Variants in SSH1 observed in about 807,000 individuals in gnomAD.
The protein encoded by SSH1 is slingshot protein phosphatase 1, also known as protein phosphatase Slingshot homolog 1.
Under a neutral mutation model 79.7 loss-of-function variants are expected in SSH1, and 43 were observed. The ratio of observed to expected loss-of-function variants is 0.54; its 90% CI spans 0.42 to 0.70. SSH1 has a LOEUF of 0.70. Ranked by LOEUF, SSH1 falls within the 30% of genes least tolerant of loss-of-function variation. SSH1 has a pLI of 0.00. For missense variants in SSH1, 1,206 were observed against 1,358.8 expected, an observed-to-expected ratio of 0.89 and a Z score of 1.77; for synonymous variants, 599 against 538.3, an observed-to-expected ratio of 1.11 and a Z score of -1.56.
At chr12:108,817,886 CCAGGTTT>C (rs1565998227) in intron 4 of SSH1, among the ~76,000 whole-genome samples, 3 of 152,200 alleles carry the variant, frequency 2.0e-5, no homozygotes, top group East Asian at 1.9e-4. Flanking sequence ...TGGTTCCCCA[CCAGGTTT>C]CACAATTAAA....
intron 13 of SSH1, among the ~76,000 whole-genome samples, chr12:108,795,535 C>T (rs2137003099): frequency 6.6e-6 from 1 of 151,912 alleles, no homozygotes; most frequent in Non-Finnish European, 1.5e-5. Flanking sequence ...GATTACAGCG[C>T]CTGACCCTCA....
chr12:108,821,938 C>T (rs1204062819), intron 3 of SSH1, among the ~76,000 whole-genome samples: 1 of 152,208 alleles, frequency 6.6e-6, no homozygotes, highest in African/African-American at 2.4e-5. Flanking sequence ...TGCTGCTGTT[C>T]TGAAAGGTAA....
chr12:108,823,570 A>G (rs1353828678), intron 2 of SSH1, among the ~76,000 whole-genome samples: 1 of 152,220 alleles, frequency 6.6e-6, no homozygotes, highest in Non-Finnish European at 1.5e-5. Context: ...TCGTGACAAA[A>G]TAATGCTTCT....
At chr12:108,852,072 C>T (rs968251485) in intron 2 of SSH1, among the ~76,000 whole-genome samples, 20 of 151,862 alleles carry the variant, frequency 1.3e-4, no homozygotes, top group African/African-American at 4.6e-4. Flanking sequence ...CCAAAAAATG[C>T]TCAAAATGGT....
intron 2 of SSH1, chr12:108,826,030 A>C: frequency 2.3e-6 from 1 of 426,412 alleles, no homozygotes; most frequent in Non-Finnish European, 4.6e-6. Context: ...TCATCGAAGC[A>C]GCTGGGAAAA....
chr12:108,811,694 G>C (rs988821090), intron 5 of SSH1: 2 of 363,210 alleles, frequency 5.5e-6, no homozygotes, highest in Non-Finnish European at 1.1e-5. Context: ...GTGGCGGCAG[G>C]GGGAGCGTGC....
At position 108,857,417 on chromosome 12, in the gene SSH1, C is replaced by A; in HGVS notation, c.69+11G>T. On this transcript the variant is annotated intron_variant, in intron 1 of 14. Coordinates refer to ENST00000326495, the MANE Select transcript of SSH1 (RefSeq NM_018984.4). The surrounding 1 kb of genome is among the most constrained non-coding windows in gnomAD (Gnocchi z 4.7). ...GCGGCCCAGGCCGGGCGCGGCGAGC[C>A]CGGGGCTCACCTCGCTGTTGCTGGC... 9.3e-7 allele frequency: 1 copy of A among 1,073,074 alleles called. No homozygotes were observed. The highest frequency in any genetic ancestry group is 1.7e-5 in the African/African-American group (1 of 58,688). 66.5% of individuals were successfully genotyped at this position (1,073,074 alleles called of 1,614,324 possible).
rs1338277020 is a variant in SSH1, at chr12:108,780,434, T to A, written c.*7554A>T. 1 of 152,154 alleles carries A rather than the reference T, an allele frequency of 6.6e-6. No individual in the cohort carries two copies. The highest frequency in any genetic ancestry group is 1.5e-5 in the Non-Finnish European group (1 of 68,030). The allele number at this position is 152,154 out of a possible 1,614,324, so 9.4% of individuals were successfully genotyped here. ...ATCGGATGAGTTTTATGAACACACA[T>A]TGTTAGGGTAGTGTGGGTGTTGTCT... On this transcript the variant is annotated 3_prime_UTR_variant, in exon 15 of 15. Coordinates refer to ENST00000326495, the MANE Select transcript of SSH1 (RefSeq NM_018984.4).
chr12:108,792,705 G>A lies in SSH1; in HGVS notation c.1474C>T (p.Leu492=), dbSNP rs761982844. The change falls in exon 14 of 15, where the codon CTG becomes TTG. Residue 492 remains leucine, a synonymous_variant. Transcript: ENST00000326495. ...TGGGCGGCATCATCCAAGAAGGGCA[G>A]CTGGCTTTCCGGGGTGCCATCTGGG... ...ETPDGTPESQ[L]PFLDDAAQPG... The A allele has an allele frequency of 9.3e-6, 15 of 1,613,392 alleles. No homozygotes were observed. Among genetic ancestry groups the A allele is most frequent in the Non-Finnish European group, 1.3e-5 (15 of 1,180,040 alleles).
intron 12 of SSH1, among the ~76,000 whole-genome samples, chr12:108,799,787 G>C (rs1238323355): frequency 6.6e-6 from 1 of 152,112 alleles, no homozygotes; most frequent in Admixed American, 6.5e-5. Flanking sequence ...CCGTTTATTT[G>C]TAAGGAGGCA....
At position 108,787,689 on chromosome 12, in the gene SSH1, T is replaced by A; in HGVS notation, c.*299A>T. The A allele has an allele frequency of 2.2e-6, 1 of 448,192 alleles. No homozygotes were observed. Among genetic ancestry groups the A allele is most frequent in the Non-Finnish European group, 4.1e-6 (1 of 242,090 alleles). The allele number at this position is 448,192 out of a possible 1,614,324, so 27.8% of individuals were successfully genotyped here. ...GGAACAGTCTGGATGTGTGCGCCTA[T>A]GTGTGCACGTTCTTCCTAAAACATG... is the stretch of plus-strand genomic sequence containing the variant. On this transcript the variant is annotated 3_prime_UTR_variant, in exon 15 of 15. Transcript: ENST00000326495.
Position 108,817,169 on chromosome 12 carries a change from G to T in SSH1, c.280-10C>A. 2 of 1,613,412 alleles carry T rather than the reference G, an allele frequency of 1.2e-6. No individual in the cohort carries two copies. Among genetic ancestry groups the T allele is most frequent in the Non-Finnish European group, 1.7e-6 (2 of 1,179,938 alleles). The stretch of plus-strand genomic sequence containing the variant: ...TCTCCAGGCGCACTGCCTGGAACAG[G>T]GCAGACATGCTCTCACTAACCTGCC... On this transcript the variant is annotated splice_polypyrimidine_tract_variant and intron_variant, in intron 4 of 14. Transcript: ENST00000326495.
At chr12:108,798,355 A>C (rs1190455362) in intron 13 of SSH1, among the ~76,000 whole-genome samples, 2 of 152,168 alleles carry the variant, frequency 1.3e-5, no homozygotes, top group Non-Finnish European at 2.9e-5. Flanking sequence ...ATTTTTGTTT[A>C]AGAGATGGGG....
At chr12:108,810,359 T>TA (rs1347974757) in intron 6 of SSH1, among the ~76,000 whole-genome samples, 5 of 151,678 alleles carry the variant, frequency 3.3e-5, no homozygotes, top group African/African-American at 1.2e-4. Context: ...CCGTCTTTAC[T>TA]AAAAATACAA....
intron 3 of SSH1, among the ~76,000 whole-genome samples, chr12:108,819,933 A>G (rs2137170396): frequency 6.6e-6 from 1 of 152,364 alleles, no homozygotes; most frequent in East Asian, 1.9e-4. Flanking sequence ...ATTTTAAGGG[A>G]GAAGGACAGA....
chr12:108,791,657 G>A (rs952244341), intron 14 of SSH1, among the ~76,000 whole-genome samples: 7 of 152,194 alleles, frequency 4.6e-5, no homozygotes, highest in African/African-American at 1.4e-4. Context: ...TACTCAGGAG[G>A]CTGAGGTAGG....
chr12:108,804,241 T>C (rs530095609), intron 10 of SSH1, among the ~76,000 whole-genome samples: 5 of 152,324 alleles, frequency 3.3e-5, no homozygotes, highest in Admixed American at 3.3e-4. Context: ...TTAATCCTCA[T>C]AGTCATCCCT....
At chr12:108,850,478 G>A (rs1182089910) in intron 2 of SSH1, among the ~76,000 whole-genome samples, 2 of 24,510 alleles carry the variant, frequency 8.2e-5, no homozygotes, top group Non-Finnish European at 8.4e-5. Flanking sequence ...AGGGAGGGGA[G>A]CTGGGGGTGG....
At chr12:108,827,310 A>T (rs759360539) in intron 2 of SSH1, 21 of 1,551,216 alleles carry the variant, frequency 1.4e-5, no homozygotes, top group Non-Finnish European at 1.7e-5. Context: ...GGGTTGGCTG[A>T]AGGAAGATGC....
Sources: allele counts gnomAD v4.1 joint callset (sites outside exome capture counted in the v4.1 genomes callset), GRCh38; gene constraint gnomAD v4.1.1; non-coding constraint Gnocchi (gnomAD v3.1); transcripts MANE v1.5; gene names NCBI Gene and HGNC (gene_info 2026-07-23, HGNC 2026-07-21).